LGMN: variants seen among roughly 807,000 people sequenced by gnomAD.
LGMN encodes the protein legumain.
LGMN carries 36 observed loss-of-function variants against 56.8 expected under a neutral mutation model. The ratio of observed to expected loss-of-function variants is 0.63; its 90% CI spans 0.49 to 0.84. LGMN has a LOEUF of 0.84. LGMN is among the 40% of genes least tolerant of loss of function. The pLI is 0.00. For synonymous variants in LGMN, 199 were observed against 210.1 expected (o/e 0.95, Z 0.46); for missense variants, 446 against 556.1 (o/e 0.80, Z 1.99).
chr14:92,748,288 C>T (rs1042841847), intron 1 of LGMN, among the ~76,000 whole-genome samples: 4 of 152,116 alleles, frequency 2.6e-5, no homozygotes, highest in Admixed American at 6.6e-5. Flanking sequence ...CCCCACCAAG[C>T]AGAGGCCACA....
chr14:92,723,626 G>A (rs1396323850), intron 2 of LGMN, among the ~76,000 whole-genome samples: 2 of 152,192 alleles, frequency 1.3e-5, no homozygotes, highest in East Asian at 1.9e-4. Context: ...ACCACACGCT[G>A]TTTAGCTCCA....
rs1379626628 is a variant in LGMN at position 92,709,820 on chromosome 14, C to T, written c.872G>A (p.Ser291Asn). The T allele has an allele frequency of 1.9e-6, 3 of 1,613,492 alleles. No individual in the cohort carries two copies. The highest frequency in any genetic ancestry group is 1.7e-6 in the Non-Finnish European group (2 of 1,179,748). ...GACTGGAGGTAGGGGGACGGGAGAACTGGCTTTGCGTTTCATACCCTGAAA... is the reference window on the plus strand; with the variant it reads ...GACTGGAGGTAGGGGGACGGGAGAATTGGCTTTGCGTTTCATACCCTGAAA... The part of the protein sequence containing the change: ...MQFQGMKRKA[S>N]SPVPLPPVTH... Residue 291 changes from serine to asparagine, a missense_variant, in exon 11 of 14, where the codon AGT becomes AAT. By Grantham distance (46) the Ser-to-Asn change is conservative (BLOSUM62 1). Coordinates refer to ENST00000334869, the MANE Select transcript of LGMN (RefSeq NM_005606.7).
intron 2 of LGMN, among the ~76,000 whole-genome samples, chr14:92,728,613 T>C (rs964816427): frequency 6.6e-6 from 1 of 152,260 alleles, no homozygotes; most frequent in Non-Finnish European, 1.5e-5. Flanking sequence ...TTCCTTTGGC[T>C]GTGTAAGTTT....
chr14:92,741,338 C>A (rs1891546214), intron 1 of LGMN: 1 of 152,244 alleles, frequency 6.6e-6, no homozygotes, highest in South Asian at 2.1e-4. Context: ...ACAGGGCCAT[C>A]TAAGTAGCAG....
chr14:92,726,766 C>G (rs925092973), intron 2 of LGMN, among the ~76,000 whole-genome samples: 1 of 152,178 alleles, frequency 6.6e-6, no homozygotes, highest in Non-Finnish European at 1.5e-5. Flanking sequence ...TGCCCTGTGG[C>G]CACCTTCCTT....
At chr14:92,744,994 T>C (rs1191353942) in intron 1 of LGMN, among the ~76,000 whole-genome samples, 1 of 152,130 alleles carries the variant, frequency 6.6e-6, no homozygotes. Context: ...CTTAGGTTTC[T>C]AGGAAAGGAA....
chr14:92,719,143 ACCACCACCG>A (rs1890226814), intron 2 of LGMN, among the ~76,000 whole-genome samples: 1 of 120,752 alleles, frequency 8.3e-6, no homozygotes, highest in African/African-American at 3.4e-5. Flanking sequence ...CGCCACCGCC[ACCACCACCG>A]CCACTGCCAC....
At chr14:92,730,596 AT>A (rs1200071613) in intron 2 of LGMN, among the ~76,000 whole-genome samples, 1 of 152,056 alleles carries the variant, frequency 6.6e-6, no homozygotes, top group Non-Finnish European at 1.5e-5. Context: ...CTTATTATTA[AT>A]TTTTTATATT....
intron 2 of LGMN, among the ~76,000 whole-genome samples, chr14:92,730,995 C>T (rs1413031426): frequency 2.6e-5 from 4 of 151,002 alleles, no homozygotes; most frequent in Non-Finnish European, 3.0e-5. Context: ...GCTACTAGAA[C>T]ATTTACCATG....
At chr14:92,720,976 G>A (rs1000564088) in intron 2 of LGMN, among the ~76,000 whole-genome samples, 2 of 151,800 alleles carry the variant, frequency 1.3e-5, no homozygotes, top group Admixed American at 6.6e-5. Flanking sequence ...CTGCAGCCTC[G>A]ACTTCCTGGG....
intron 1 of LGMN, among the ~76,000 whole-genome samples, chr14:92,740,811 T>C (rs1340810228): frequency 6.6e-6 from 1 of 152,252 alleles, no homozygotes; most frequent in African/African-American, 2.4e-5. Flanking sequence ...CAGCCTCCAA[T>C]GACAAGTCCT....
At chr14:92,728,953 G>C (rs1013058684) in intron 2 of LGMN, among the ~76,000 whole-genome samples, 2 of 152,070 alleles carry the variant, frequency 1.3e-5, no homozygotes, top group South Asian at 2.1e-4. Flanking sequence ...CACAGGAAGC[G>C]CTTAGTCAAG....
At chr14:92,707,867 C>CTT (rs1208479553) in intron 11 of LGMN, among the ~76,000 whole-genome samples, 1 of 152,138 alleles carries the variant, frequency 6.6e-6, no homozygotes, top group Non-Finnish European at 1.5e-5. Context: ...CAAGAAAACT[C>CTT]TGAGCCAGGT....
chr14:92,745,907 C>G (rs1030729716), intron 1 of LGMN, among the ~76,000 whole-genome samples: 4 of 152,028 alleles, frequency 2.6e-5, no homozygotes, highest in African/African-American at 9.7e-5. Context: ...CTGCAACCTC[C>G]GGCTCCCTGG....
chr14:92,714,565 C>T lies in LGMN; in HGVS notation c.405-114G>A. The T allele has an allele frequency of 1.4e-6, 1 of 739,330 alleles. No homozygotes were observed. The highest frequency in any genetic ancestry group is 2.3e-6 in the Non-Finnish European group (1 of 444,442). 45.8% of individuals were successfully genotyped at this position (739,330 alleles called of 1,614,324 possible). ...AAGTTTGGGGAGTAGAGTTGCCCAACCAGGTTTGAAGATGAACACAAGGGC... is the reference window on the plus strand; with the variant it reads ...AAGTTTGGGGAGTAGAGTTGCCCAATCAGGTTTGAAGATGAACACAAGGGC... On this transcript the variant is annotated intron_variant, in intron 5 of 13. Transcript: ENST00000334869. This position sits in a 1 kb window ranked among gnomAD's most constrained non-coding sequence, Gnocchi z 5.1.
At chr14:92,742,711 C>T (rs1458844978) in intron 1 of LGMN, among the ~76,000 whole-genome samples, 1 of 152,130 alleles carries the variant, frequency 6.6e-6, no homozygotes, top group Non-Finnish European at 1.5e-5. Flanking sequence ...ACGTGGGCAA[C>T]ACAATGAGAT....
At position 92,732,682 on chromosome 14, in the gene LGMN, T is replaced by C. The variant is rs570578098; in HGVS notation, c.105A>G (p.Ala35=). The C allele has an allele frequency of 6.2e-7, 1 of 1,614,176 alleles. No individual in the cohort carries two copies. The highest frequency in any genetic ancestry group is 1.1e-5 in the South Asian group (1 of 91,084). The part of the protein sequence containing the change: ...DGGKHWVVIV[A]GSNGWYNYRH... Reference sequence around the variant, plus strand: ...TATAATTATACCAGCCATTTGAACCTGCCACGATCACCACCCAGTGCTTGC... The same window carrying C: ...TATAATTATACCAGCCATTTGAACCCGCCACGATCACCACCCAGTGCTTGC... Residue 35 remains alanine, a synonymous_variant, in exon 2 of 14, where the codon GCA becomes GCG. Transcript: ENST00000334869.
chr14:92,739,419 CCTT>C (rs1891450154), intron 1 of LGMN, among the ~76,000 whole-genome samples: 1 of 152,140 alleles, frequency 6.6e-6, no homozygotes, highest in African/African-American at 2.4e-5. Flanking sequence ...TACCTCCTCT[CCTT>C]TAACTTCCTC....
At chr14:92,747,341 A>G (rs1036180881) in intron 1 of LGMN, among the ~76,000 whole-genome samples, 1 of 151,984 alleles carries the variant, frequency 6.6e-6, no homozygotes, top group African/African-American at 2.4e-5. Flanking sequence ...AAACACAAAA[A>G]TTAGCCGGGC....
Sources: allele counts gnomAD v4.1 joint callset (sites outside exome capture counted in the v4.1 genomes callset), GRCh38; gene constraint gnomAD v4.1.1; non-coding constraint Gnocchi (gnomAD v3.1); transcripts MANE v1.5; gene names NCBI Gene and HGNC (gene_info 2026-07-23, HGNC 2026-07-21).